MDFIC: variants seen among roughly 807,000 people sequenced by gnomAD.
MDFIC encodes MyoD family inhibitor domain containing, also known as myoD family inhibitor domain-containing protein.
In MDFIC, 17 loss-of-function variants were observed where a neutral mutation model predicts 23.2. The observed-to-expected ratio is 0.73, with a 90% CI of 0.50 to 1.10. The LOEUF is 1.10. MDFIC is among the 50% of genes least tolerant of loss of function. The probability of loss-of-function intolerance (pLI) is 0.00; values close to 1 mark genes in which losing one functional copy is unlikely to be tolerated. For missense variants in MDFIC, 356 were observed against 316.6 expected, an observed-to-expected ratio of 1.12 and a Z score of -0.95; for synonymous variants, 120 against 115.2, an observed-to-expected ratio of 1.04 and a Z score of -0.27.
chr7:115,001,870 C>T (rs1791472037), intron 4 of MDFIC, among the ~76,000 whole-genome samples: 1 of 152,168 alleles, frequency 6.6e-6, no homozygotes, highest in South Asian at 2.1e-4. Flanking sequence ...GGCACACTGA[C>T]TTACAACTGT....
At chr7:114,943,625 T>C (rs1792590255) in intron 3 of MDFIC, among the ~76,000 whole-genome samples, 1 of 152,184 alleles carries the variant, frequency 6.6e-6, no homozygotes, top group African/African-American at 2.4e-5. Flanking sequence ...TTCAAGTAAA[T>C]ATTTATCTGA....
chr7:114,945,665 A>G (rs896563414), intron 3 of MDFIC, among the ~76,000 whole-genome samples: 1 of 152,258 alleles, frequency 6.6e-6, no homozygotes, highest in African/African-American at 2.4e-5. Flanking sequence ...CAATCTGGTC[A>G]GAGAACGCAC....
At chr7:114,963,789 A>G (rs1299912366) in intron 3 of MDFIC, among the ~76,000 whole-genome samples, 1 of 152,136 alleles carries the variant, frequency 6.6e-6, no homozygotes, top group Non-Finnish European at 1.5e-5. Flanking sequence ...TATGTTGCCC[A>G]AGCTGGTCTT....
At position 114,994,405 on chromosome 7, in the gene MDFIC, G is replaced by A. The variant is rs139488200; in HGVS notation, c.493+14624G>A. 7.7e-3 allele frequency among the ~76,000 whole-genome samples: 1,173 copies of A among 152,248 alleles called. 23 individuals are homozygous for A. Among genetic ancestry groups the A allele is most frequent in the African/African-American group, 0.027 (1,123 of 41,540 alleles). ...GATCCTGTCATTATGACATTAGCTG[G>A]TTATTTTGCTCCTTAGTTGATGCAG... is the stretch of plus-strand genomic sequence containing the variant. On this transcript the variant is annotated intron_variant, in intron 4 of 4. Coordinates refer to ENST00000393486, the MANE Select transcript of MDFIC (RefSeq NM_001166345.3).
chr7:114,998,871 G>T (rs1791400907), intron 4 of MDFIC, among the ~76,000 whole-genome samples: 1 of 152,108 alleles, frequency 6.6e-6, no homozygotes, highest in African/African-American at 2.4e-5. Context: ...CAAAGGAATA[G>T]GAACAAAAGG....
chr7:114,989,086 G>C (rs59301279), intron 4 of MDFIC, among the ~76,000 whole-genome samples: 1 of 152,158 alleles, frequency 6.6e-6, no homozygotes, highest in Non-Finnish European at 1.5e-5. Context: ...AAATAGCCTA[G>C]AGGAGAGGTC....
At chr7:114,975,190 T>A (rs1209164086) in intron 3 of MDFIC, among the ~76,000 whole-genome samples, 5 of 152,006 alleles carry the variant, frequency 3.3e-5, no homozygotes. Context: ...AGAAAAGAGG[T>A]GTCAAAAAGT....
chr7:114,949,563 A>C (rs1048659995), intron 3 of MDFIC, among the ~76,000 whole-genome samples: 2 of 152,236 alleles, frequency 1.3e-5, no homozygotes, highest in African/African-American at 4.8e-5. Context: ...ATTAGGAATT[A>C]AAGAGTAATT....
At chr7:114,945,165 C>T (rs978423318) in intron 3 of MDFIC, among the ~76,000 whole-genome samples, 10 of 152,150 alleles carry the variant, frequency 6.6e-5, no homozygotes, top group African/African-American at 2.2e-4. Context: ...TCCGTTGTGC[C>T]GGATGGCTGC....
At chr7:115,009,481 T>G (rs1166402211) in intron 4 of MDFIC, among the ~76,000 whole-genome samples, 1 of 152,220 alleles carries the variant, frequency 6.6e-6, no homozygotes, top group Non-Finnish European at 1.5e-5. Context: ...ATTCCTCATA[T>G]TCCCTAGTGT....
intron 3 of MDFIC, among the ~76,000 whole-genome samples, chr7:114,946,820 G>C (rs4557633): frequency 0.81 from 123,543 of 152,048 alleles, 51,981 homozygotes; most frequent in Non-Finnish European, 0.92. Flanking sequence ...ATCTGCAATT[G>C]CTCTCAACAT....
At chr7:114,954,286 T>G (rs1223941411) in intron 3 of MDFIC, among the ~76,000 whole-genome samples, 1 of 152,238 alleles carries the variant, frequency 6.6e-6, no homozygotes, top group Non-Finnish European at 1.5e-5. Flanking sequence ...TTCTTTTCCC[T>G]TGTAATATCT....
chr7:114,966,930 T>C (rs1793108065), intron 3 of MDFIC, among the ~76,000 whole-genome samples: 3 of 152,160 alleles, frequency 2.0e-5, no homozygotes, highest in Admixed American at 2.0e-4. Context: ...TGTTAAGGGA[T>C]GAAGGTGCTA....
intron 2 of MDFIC, among the ~76,000 whole-genome samples, chr7:114,936,193 T>C (rs962626745): frequency 6.6e-6 from 1 of 152,182 alleles, no homozygotes; most frequent in Non-Finnish European, 1.5e-5. Context: ...ACTTCTCTAG[T>C]GCAGAGTAAA....
intron 3 of MDFIC, among the ~76,000 whole-genome samples, chr7:114,967,049 G>A (rs989351748): frequency 6.6e-6 from 1 of 152,034 alleles, no homozygotes; most frequent in Non-Finnish European, 1.5e-5. Context: ...AAATTTCTGG[G>A]TGTTATATAT....
chr7:114,979,160 C>A lies in MDFIC; in HGVS notation c.218-346C>A, dbSNP rs73214717. Among the ~76,000 whole-genome samples, 444 of 152,140 alleles carry A rather than the reference C, an allele frequency of 2.9e-3. 4 individuals carry two copies. The highest frequency in any genetic ancestry group is 5.1e-3 in the Non-Finnish European group (346 of 67,996). On this transcript the variant is annotated intron_variant, in intron 3 of 4. Transcript: ENST00000393486. The stretch of plus-strand genomic sequence containing the variant: ...CTGTTGTGTCTATGCACAAAGAGGG[C>A]TCAGCATATAGAAAATAATCAACAT...
Position 115,017,621 on chromosome 7 carries a change from A to C in MDFIC, c.*1686A>C, listed in dbSNP as rs548058342. The C allele has an allele frequency of 3.4e-4, 52 of 152,484 alleles. No homozygotes were observed. The highest frequency in any genetic ancestry group is 1.1e-3 in the African/African-American group (47 of 41,554). 9.4% of individuals were successfully genotyped at this position (152,484 alleles called of 1,614,324 possible). ...AATGATCCTTAAGTGTAAAGAAATC[A>C]GTCAATTACAAGAGTAATTGTATAG... is the stretch of plus-strand genomic sequence containing the variant. On this transcript the variant is annotated 3_prime_UTR_variant, in exon 5 of 5. Transcript: ENST00000393486.
rs534717224 is a variant in MDFIC at position 115,015,967 on chromosome 7, G to A, written c.*32G>A. The A allele has an allele frequency of 2.5e-6, 4 of 1,588,786 alleles. No individual in the cohort carries two copies. The African/African-American group carries it at 5.4e-5, about 21-fold the overall frequency. On this transcript the variant is annotated 3_prime_UTR_variant, in exon 5 of 5. Coordinates refer to ENST00000393486, the MANE Select transcript of MDFIC (RefSeq NM_001166345.3). ...ATCTTTTGTTTGTGTTAAAACTGGAGAGTGTTTAAAAATTTCCTTTTGGGG... is the reference window on the plus strand; with the variant it reads ...ATCTTTTGTTTGTGTTAAAACTGGAAAGTGTTTAAAAATTTCCTTTTGGGG...
chr7:115,007,630 GTATATATATATATA>G (rs10528546), intron 4 of MDFIC, among the ~76,000 whole-genome samples: 103,018 of 132,912 alleles, frequency 0.78, 40,304 homozygotes, highest in East Asian at 0.93. Flanking sequence ...GCGTGTGTGT[GTATATATATATATA>G]TATATATATA....
Sources: gnomAD v4.1 joint callset for allele counts (sites outside exome capture counted in the v4.1 genomes callset) on GRCh38, gnomAD v4.1.1 for gene constraint, MANE v1.5 for transcripts, NCBI Gene and HGNC (gene_info 2026-07-23, HGNC 2026-07-21) for gene names.